Variants in LRRC27 observed in about 807,000 individuals in gnomAD.
LRRC27 encodes leucine-rich repeat-containing protein 27.
In LRRC27, 57 loss-of-function variants were observed where a neutral mutation model predicts 55.0. That is an observed-to-expected ratio of 1.04 (90% CI 0.84 to 1.29). The LOEUF (loss-of-function observed/expected upper bound fraction) is 1.29. Ranked by LOEUF, LRRC27 falls within the 50% of genes most tolerant of loss-of-function variation. The pLI, the probability that LRRC27 is intolerant of heterozygous loss-of-function variation, is 0.00. For missense variants in LRRC27, 721 were observed against 651.5 expected (o/e 1.11, Z -1.16); for synonymous variants, 278 against 251.9 (o/e 1.10, Z -0.98).
intron 10 of LRRC27, among the ~76,000 whole-genome samples, chr10:132,373,512 G>A (rs974398667): frequency 6.6e-6 from 1 of 152,184 alleles, no homozygotes; most frequent in Non-Finnish European, 1.5e-5. Context: ...AGCTGGTCGC[G>A]GTGATGGCAC....
At position 132,344,562 on chromosome 10, in the gene LRRC27, C is replaced by T. The variant is rs779244003; in HGVS notation, c.465C>T (p.Leu155=). The T allele has an allele frequency of 1.4e-5, 22 of 1,614,004 alleles. No individual in the cohort carries two copies. The highest frequency in any genetic ancestry group is 9.3e-5 in the African/African-American group (7 of 74,910). ...RHCPLEFPPQ[L]VVQKGLVAIQ... ...GCCCTCTGGAATTCCCTCCTCAGCTCGTTGTGCAGAAGGGATTGGTGGCTA... is the reference window on the plus strand; with the variant it reads ...GCCCTCTGGAATTCCCTCCTCAGCTTGTTGTGCAGAAGGGATTGGTGGCTA... The change falls in exon 5 of 11, where the codon CTC becomes CTT. Residue 155 remains leucine, a synonymous_variant. Coordinates refer to ENST00000368614, the MANE Select transcript of LRRC27 (RefSeq NM_030626.3).
At chr10:132,353,383 C>T in intron 7 of LRRC27, 2 of 1,057,146 alleles carry the variant, frequency 1.9e-6, no homozygotes, top group Non-Finnish European at 2.3e-6. Flanking sequence ...CATGAATAAA[C>T]CCTCCTGAAG....
chr10:132,355,567 C>T (rs1485134168), intron 7 of LRRC27, among the ~76,000 whole-genome samples: 1 of 152,210 alleles, frequency 6.6e-6, no homozygotes, highest in Non-Finnish European at 1.5e-5. Flanking sequence ...GCTGGCAGCA[C>T]CGACACACAG....
At chr10:132,350,865 T>G (rs2067972580) in intron 6 of LRRC27, 1 of 152,264 alleles carries the variant, frequency 6.6e-6, no homozygotes, top group South Asian at 2.1e-4. Flanking sequence ...TGGCTGGCTC[T>G]CAGTCCTGGG....
intron 5 of LRRC27, among the ~76,000 whole-genome samples, chr10:132,346,966 C>T (rs1426909160): frequency 2.6e-5 from 4 of 152,190 alleles, no homozygotes; most frequent in Non-Finnish European, 4.4e-5. Flanking sequence ...GTGTCCACTG[C>T]GACGGCCACC....
chr10:132,341,468 T>C (rs1350595564), intron 3 of LRRC27, among the ~76,000 whole-genome samples: 1 of 152,170 alleles, frequency 6.6e-6, no homozygotes, highest in African/African-American at 2.4e-5. Context: ...TAATAGAATA[T>C]ATAGATTTTT....
At position 132,338,710 on chromosome 10, in the gene LRRC27, C is replaced by T. The variant is rs7912110; in HGVS notation, c.341+1015C>T. Among the ~76,000 whole-genome samples the T allele has an allele frequency of 5.6e-4, 78 of 140,020 alleles. No individual in the cohort carries two copies. In the East Asian group the frequency reaches 6.8e-3, roughly 12 times the overall value. The allele number at this position is 140,020 out of a possible 152,430, so 91.9% of individuals were successfully genotyped here. A position where few individuals can be genotyped will look rare whatever the true frequency, so the allele number is the denominator to read the frequency against. ...TTAACTCTTTTTCTTTTCTTTCTTTCTTTTTTTTTTTTTTTTTGAGACGGA... is the reference window on the plus strand; with the variant it reads ...TTAACTCTTTTTCTTTTCTTTCTTTTTTTTTTTTTTTTTTTTTGAGACGGA... On this transcript the variant is annotated intron_variant, in intron 3 of 10. Coordinates refer to ENST00000368614, the MANE Select transcript of LRRC27 (RefSeq NM_030626.3).
At position 132,380,994 on chromosome 10, in the gene LRRC27, T is replaced by C. The variant is rs888332448; in HGVS notation, c.*5752T>C. On this transcript the variant is annotated 3_prime_UTR_variant, in exon 11 of 11. Transcript: ENST00000368614. Reference sequence around the variant, plus strand: ...TCTTGTATTGGGAATGCAGCTTTTATGTGGGTATAGGATTGCTGTGTGTGA... The same window carrying C: ...TCTTGTATTGGGAATGCAGCTTTTACGTGGGTATAGGATTGCTGTGTGTGA... Among the ~76,000 whole-genome samples, 15 of 152,234 alleles carry C rather than the reference T, an allele frequency of 9.9e-5. No individual in the cohort carries two copies. Among genetic ancestry groups the C allele is most frequent in the Admixed American group, 6.5e-5 (1 of 15,282 alleles).
intron 1 of LRRC27, among the ~76,000 whole-genome samples, chr10:132,333,031 A>G (rs1488200285): frequency 6.6e-6 from 1 of 152,224 alleles, no homozygotes; most frequent in African/African-American, 2.4e-5. Flanking sequence ...CTGGGTCAAA[A>G]TGGTAAACAA....
rs1009554448 is a variant in LRRC27, at chr10:132,348,839, A to T, written c.926+483A>T. The stretch of plus-strand genomic sequence containing the variant: ...TGGGGGAAAGGTCAGTTATGCAGAA[A>T]ATAAATGGCAGCTGCCTGGGGACAA... On this transcript the variant is annotated intron_variant, in intron 6 of 10. Coordinates refer to ENST00000368614, the MANE Select transcript of LRRC27 (RefSeq NM_030626.3). This position sits in a 1 kb window ranked among gnomAD's most constrained non-coding sequence, Gnocchi z 4.2. 1.5e-6 allele frequency: 1 copy of T among 666,258 alleles called. No homozygotes were observed. Among genetic ancestry groups the T allele is most frequent in the African/African-American group, 1.8e-5 (1 of 55,474 alleles). The allele number at this position is 666,258 out of a possible 1,614,324, so 41.3% of individuals were successfully genotyped here. A position where few individuals can be genotyped will look rare whatever the true frequency, so the allele number is the denominator to read the frequency against.
At chr10:132,337,416 T>C in intron 2 of LRRC27, 149 bp from the exon 3 acceptor site, 2 of 1,422,554 alleles carry the variant, frequency 1.4e-6, no homozygotes, top group Non-Finnish European at 1.8e-6. Flanking sequence ...TTTACATCTT[T>C]TAAGGGTAAG....
intron 2 of LRRC27, chr10:132,337,256 C>CG: frequency 1.7e-6 from 2 of 1,186,690 alleles, no homozygotes; most frequent in Non-Finnish European, 2.1e-6. Flanking sequence ...TGTGGGGCCC[C>CG]GGAATTCAGA....
rs369567129 is a variant in LRRC27, at chr10:132,375,702, G to A, written c.*460G>A. 2.6e-5 allele frequency: 4 copies of A among 153,754 alleles called. No homozygotes were observed. The highest frequency in any genetic ancestry group is 4.8e-5 in the African/African-American group (2 of 41,464). The allele number at this position is 153,754 out of a possible 1,614,324, so 9.5% of individuals were successfully genotyped here. A position where few individuals can be genotyped will look rare whatever the true frequency, so the allele number is the denominator to read the frequency against. ...AGGGGTGACAGCCAAAAAGGGCTTCGGGGGAGTGGTTACCCTGCTCCCTGC... is the reference window on the plus strand; with the variant it reads ...AGGGGTGACAGCCAAAAAGGGCTTCAGGGGAGTGGTTACCCTGCTCCCTGC... On this transcript the variant is annotated 3_prime_UTR_variant, in exon 11 of 11. Transcript: ENST00000368614.
At chr10:132,357,255 C>T (rs2068351272) in intron 8 of LRRC27, among the ~76,000 whole-genome samples, 2 of 152,242 alleles carry the variant, frequency 1.3e-5, no homozygotes, top group South Asian at 4.1e-4. Flanking sequence ...CCACAGGACA[C>T]TCAGTCGCCA....
intron 6 of LRRC27, chr10:132,349,092 T>C (rs2067874796): frequency 1.4e-6 from 2 of 1,382,414 alleles, no homozygotes; most frequent in South Asian, 2.4e-5. Flanking sequence ...TGTGCCTGCA[T>C]GTGGTGTGTG....
chr10:132,337,555 T>A lies in LRRC27; in HGVS notation c.211-10T>A. ...AACAAAACATTCTCTGATTCTCTTTTCCATGGAAGCAATTGCATCTGCAAA... is the reference window on the plus strand; with the variant it reads ...AACAAAACATTCTCTGATTCTCTTTACCATGGAAGCAATTGCATCTGCAAA... On this transcript the variant is annotated splice_polypyrimidine_tract_variant and intron_variant, in intron 2 of 10. Transcript: ENST00000368614. The A allele has an allele frequency of 5.0e-6, 8 of 1,610,362 alleles. No individual in the cohort carries two copies. Among genetic ancestry groups the A allele is most frequent in the Non-Finnish European group, 6.8e-6 (8 of 1,178,654 alleles).
intron 8 of LRRC27, among the ~76,000 whole-genome samples, chr10:132,358,278 C>T (rs577636128): frequency 3.9e-5 from 6 of 151,900 alleles, no homozygotes; most frequent in Non-Finnish European, 7.4e-5. Flanking sequence ...CCTGTGTGGT[C>T]GGCAGGAAGG....
Position 132,375,624 on chromosome 10 carries a change from C to T in LRRC27, c.*382C>T, listed in dbSNP as rs72863829. The T allele has an allele frequency of 0.12, 19,310 of 159,586 alleles. 1,528 individuals carry two copies. Among genetic ancestry groups the T allele is most frequent in the Middle Eastern group, 0.2 (64 of 326 alleles). 9.9% of individuals were successfully genotyped at this position (159,586 alleles called of 1,614,324 possible). A position where few individuals can be genotyped will look rare whatever the true frequency, so the allele number is the denominator to read the frequency against. On this transcript the variant is annotated 3_prime_UTR_variant, in exon 11 of 11. Coordinates refer to ENST00000368614, the MANE Select transcript of LRRC27 (RefSeq NM_030626.3). ...GAGTGTGGGAGAGGAGACCAGGTCA[C>T]CCGATTCCCGCCAAGCCGGAAGTCC...
intron 8 of LRRC27, among the ~76,000 whole-genome samples, chr10:132,360,759 C>T (rs2068576874): frequency 6.6e-6 from 1 of 152,204 alleles, no homozygotes; most frequent in Admixed American, 6.5e-5. Flanking sequence ...TACGAGTCTC[C>T]ACATTGCAGT....
Sources: allele counts gnomAD v4.1 joint callset (sites outside exome capture counted in the v4.1 genomes callset), GRCh38; gene constraint gnomAD v4.1.1; non-coding constraint Gnocchi (gnomAD v3.1); transcripts MANE v1.5; gene names NCBI Gene and HGNC (gene_info 2026-07-23, HGNC 2026-07-21).